GOLGA3: variants seen among roughly 807,000 people sequenced by gnomAD.
GOLGA3 encodes the protein golgin subfamily A member 3.
A neutral mutation model predicts 169.4 loss-of-function variants in GOLGA3; 75 were observed. The ratio of observed to expected loss-of-function variants is 0.44; its 90% CI spans 0.37 to 0.54. The LOEUF (loss-of-function observed/expected upper bound fraction) is 0.54. GOLGA3 is among the 20% of genes least tolerant of loss of function. The pLI is 0.00. For synonymous variants in GOLGA3, 824 were observed against 822.4 expected (o/e 1.00, Z -0.03); for missense variants, 1,899 against 1,930.0 (o/e 0.98, Z 0.30).
At chr12:132,786,309 C>T (rs1239560323) in intron 15 of GOLGA3, 30 bp downstream of exon 15, 2 of 1,483,670 alleles carry the variant, frequency 1.3e-6, no homozygotes, top group Admixed American at 1.9e-5. Flanking sequence ...GGCTGGTGAC[C>T]CTGGCCGGGG....
chr12:132,826,206 C>T, intron 1 of GOLGA3: 5 of 1,515,088 alleles, frequency 3.3e-6, no homozygotes, highest in Non-Finnish European at 4.5e-6. Context: ...TCAGCCCGCT[C>T]CCCACAATGA....
rs917798975 is a variant in GOLGA3 at position 132,820,001 on chromosome 12, A to C, written c.133+1995T>G. Reference sequence around the variant, plus strand: ...TCAAAACCAGCCTGATCAACATGGAAACTCCATCTCTACTAAAAATACAAA... The same window carrying C: ...TCAAAACCAGCCTGATCAACATGGACACTCCATCTCTACTAAAAATACAAA... On this transcript the variant is annotated intron_variant, in intron 2 of 23. Coordinates refer to ENST00000450791, the MANE Select transcript of GOLGA3 (RefSeq NM_001389683.1). Among the ~76,000 whole-genome samples, 3 of 152,214 alleles carry C rather than the reference A, an allele frequency of 2.0e-5. No homozygotes were observed. In the South Asian group the frequency reaches 6.2e-4, roughly 32 times the overall value.
At position 132,776,576 on chromosome 12, in the gene GOLGA3, C is replaced by T. The variant is rs12316926; in HGVS notation, c.3978+58G>A. 5.8e-5 allele frequency: 30 copies of T among 518,112 alleles called. No individual in the cohort carries two copies. The Admixed American group carries it at 6.9e-4, about 12-fold the overall frequency. The allele number at this position is 518,112 out of a possible 1,614,324, so 32.1% of individuals were successfully genotyped here. ...GTACCCGCAGCAGCTGCTGTAGCCC[C>T]TCCAGCTCCTTCCTCCCTGCTGCTC... is the stretch of plus-strand genomic sequence containing the variant. On this transcript the variant is annotated intron_variant, in intron 21 of 23. Transcript: ENST00000450791.
rs185975810 is a variant in GOLGA3 at position 132,813,968 on chromosome 12, C to T, written c.407-549G>A. Among the ~76,000 whole-genome samples the T allele has an allele frequency of 4.1e-3, 625 of 151,754 alleles. 6 individuals are homozygous for T. Among genetic ancestry groups the T allele is most frequent in the African/African-American group, 0.014 (595 of 41,376 alleles). ...CTCGATCTCCTGACCTCATGATCCA[C>T]CCGCCTCGGCCTCCCAAAGTGCTGG... On this transcript the variant is annotated intron_variant, in intron 3 of 23. Transcript: ENST00000450791.
In GOLGA3 at chr12:132,822,062, G is replaced by T. The variant is rs202228458; in HGVS notation, c.67C>A (p.Leu23Ile). 49 of 1,606,078 alleles carry T rather than the reference G, an allele frequency of 3.1e-5. No individual in the cohort carries two copies. The highest frequency in any genetic ancestry group is 4.0e-5 in the Non-Finnish European group (47 of 1,177,160). The change falls in exon 2 of 24, where the codon CTC becomes ATC. Residue 23 changes from leucine (L) to isoleucine (I), a missense_variant. Physicochemically the swap from Leu to Ile is conservative, Grantham distance 5 (BLOSUM62 2). Transcript: ENST00000450791. ...EDRSHSGPSS[L>I]PEAPLKPPGP... is the part of the protein sequence containing the mutation. ...GGGGGCTTCAGTGGGGCCTCGGGGA[G>T]AGACGAGGGGCCACTGTGGGATCTG...
chr12:132,777,549 C>T lies in GOLGA3; in HGVS notation c.3722+117G>A. The T allele has an allele frequency of 8.8e-7, 1 of 1,139,054 alleles. No individual in the cohort carries two copies. The highest frequency in any genetic ancestry group is 1.3e-6 in the Non-Finnish European group (1 of 793,082). The allele number at this position is 1,139,054 out of a possible 1,614,324, so 70.6% of individuals were successfully genotyped here. ...GTGCCTTCTACTCCTATGATTCACT[C>T]AAGTACTCGGCAATTTGCAAAATAT... On this transcript the variant is annotated intron_variant, in intron 19 of 23. Transcript: ENST00000450791. The surrounding 1 kb of genome is among the most constrained non-coding windows in gnomAD (Gnocchi z 4.7).
At chr12:132,782,943 G>C (rs1448284633) in intron 16 of GOLGA3, among the ~76,000 whole-genome samples, 1 of 151,730 alleles carries the variant, frequency 6.6e-6, no homozygotes, top group Non-Finnish European at 1.5e-5. Context: ...CAATGGGCTG[G>C]ACGCAGTGAC....
chr12:132,812,251 C>A (rs1949758210), intron 4 of GOLGA3, among the ~76,000 whole-genome samples: 1 of 150,952 alleles, frequency 6.6e-6, no homozygotes, highest in East Asian at 1.9e-4. Context: ...TGCTCATTGA[C>A]AATACGCCAG....
intron 1 of GOLGA3, among the ~76,000 whole-genome samples, chr12:132,823,944 A>G (rs1033019199): frequency 4.0e-5 from 6 of 151,298 alleles, no homozygotes; most frequent in Admixed American, 1.3e-4. Context: ...TTAGCCAGGC[A>G]TGGCAGCGCG....
At chr12:132,819,045 G>C (rs960185910) in intron 2 of GOLGA3, among the ~76,000 whole-genome samples, 1 of 144,522 alleles carries the variant, frequency 6.9e-6, no homozygotes, top group Non-Finnish European at 1.5e-5. Flanking sequence ...CTGCTGACTG[G>C]TGGGTGGGCC....
At chr12:132,795,750 G>T (rs1415376919) in intron 11 of GOLGA3, 102 bp downstream of exon 11, 12 of 1,283,270 alleles carry the variant, frequency 9.4e-6, no homozygotes, top group Non-Finnish European at 1.3e-5. Flanking sequence ...AACACAGCGA[G>T]ACTGTTTCAA....
chr12:132,806,956 C>A (rs533167592), intron 6 of GOLGA3, among the ~76,000 whole-genome samples: 1 of 151,984 alleles, frequency 6.6e-6, no homozygotes, highest in African/African-American at 2.4e-5. Flanking sequence ...CTGGTAGAGA[C>A]GCAGGGAGAA....
In GOLGA3 at chr12:132,789,239, T is replaced by A; in HGVS notation, c.2599A>T (p.Ser867Cys). Residue 867 changes from serine (S) to cysteine (C), a missense_variant, in exon 13 of 24, where the codon AGT becomes TGT. Coordinates refer to ENST00000450791, the MANE Select transcript of GOLGA3 (RefSeq NM_001389683.1). ...RDATSKDQLI[S>C]ELKATRKRLD... ...CTCTTCCTGGTGGCTTTCAGCTCAC[T>A]GATGAGCTGGTCTTTGGAGGTGGCG... The A allele has an allele frequency of 6.2e-7, 1 of 1,608,450 alleles. No homozygotes were observed. Among genetic ancestry groups the A allele is most frequent in the Non-Finnish European group, 8.5e-7 (1 of 1,179,786 alleles).
In GOLGA3 at chr12:132,780,824, C is replaced by T. The variant is rs768069828; in HGVS notation, c.3556G>A (p.Glu1186Lys). ...ALQASLEKEK[E>K]KVNSLKEQVA... The stretch of plus-strand genomic sequence containing the variant: ...TGCTCCTTGAGGCTGTTCACCTTCT[C>T]CTTCTCCTTCTCTAGTGAGGCCTGC... Residue 1186 changes from glutamate to lysine, a missense_variant, in exon 18 of 24, where the codon GAG (glutamate) becomes AAG (lysine). Glu to Lys is a moderately conservative substitution (Grantham distance 56). Coordinates refer to ENST00000450791, the MANE Select transcript of GOLGA3 (RefSeq NM_001389683.1). 4 of 1,611,212 alleles carry T rather than the reference C, an allele frequency of 2.5e-6. No individual in the cohort carries two copies. The highest frequency in any genetic ancestry group is 3.4e-6 in the Non-Finnish European group (4 of 1,179,240).
chr12:132,806,840 G>A (rs143603843), intron 6 of GOLGA3, among the ~76,000 whole-genome samples: 1 of 152,180 alleles, frequency 6.6e-6, no homozygotes, highest in East Asian at 1.9e-4. Context: ...AGAAAAAGCA[G>A]AAATCACTAC....
Position 132,770,625 on chromosome 12 carries a change from G to C in GOLGA3, c.*2480C>G, listed in dbSNP as rs1189570817. 6.6e-6 allele frequency: 1 copy of C among 152,164 alleles called. No individual in the cohort carries two copies. The highest frequency in any genetic ancestry group is 1.5e-5 in the Non-Finnish European group (1 of 68,018). 9.4% of individuals were successfully genotyped at this position (152,164 alleles called of 1,614,324 possible). ...CTGAATGTGTGATTTCTCGATTTTA[G>C]ATTTTTTAAAATCATTTATTTATTT... On this transcript the variant is annotated 3_prime_UTR_variant, in exon 24 of 24. Coordinates refer to ENST00000450791, the MANE Select transcript of GOLGA3 (RefSeq NM_001389683.1).
chr12:132,799,377 G>A (rs535020955), intron 8 of GOLGA3, among the ~76,000 whole-genome samples: 102 of 152,342 alleles, frequency 6.7e-4, no homozygotes, highest in African/African-American at 2.2e-3. Flanking sequence ...GTGAGGGCCC[G>A]GCAGTGGCTC....
In GOLGA3 at chr12:132,798,462, G is replaced by A; in HGVS notation, c.1816C>T (p.Gln606Ter). 1 of 1,609,022 alleles carries A rather than the reference G, an allele frequency of 6.2e-7. No individual in the cohort carries two copies. Among genetic ancestry groups the A allele is most frequent in the Non-Finnish European group, 8.5e-7 (1 of 1,178,612 alleles). ...TTCAGGTGCTCCAGGAGACCTGCCT[G>A]GGTCATCTGTCCAACCTTAAAAAAA... is the stretch of plus-strand genomic sequence containing the variant. ...MAHIQVGQMT[Q>*]AGLLEHLKLE... The change falls in exon 9 of 24, where the codon CAG becomes TAG. Residue 606 changes from glutamine (Q) to a stop codon, truncating the protein, a stop_gained. Transcript: ENST00000450791. LOFTEE classifies it high-confidence loss of function.
Position 132,816,680 on chromosome 12 carries a change from A to G in GOLGA3, c.266T>C (p.Val89Ala). 6.2e-7 allele frequency: 1 copy of G among 1,614,148 alleles called. No homozygotes were observed. Among genetic ancestry groups the G allele is most frequent in the Non-Finnish European group, 8.5e-7 (1 of 1,179,996 alleles). ...CACACCTGGAGAGGCATCAGGGCCC[A>G]CTGGGCTTGTGGTGGGATCGAGAGA... ...PSSLDPTTSP[V>A]GPDASPGVAG... Residue 89 changes from valine (V) to alanine (A), a missense_variant, in exon 3 of 24, where the codon GTG becomes GCG. Coordinates refer to ENST00000450791, the MANE Select transcript of GOLGA3 (RefSeq NM_001389683.1).
Sources: gnomAD v4.1 joint callset for allele counts (sites outside exome capture counted in the v4.1 genomes callset) on GRCh38, gnomAD v4.1.1 for gene constraint, Gnocchi (gnomAD v3.1) non-coding constraint, MANE v1.5 for transcripts, NCBI Gene and HGNC (gene_info 2026-07-23, HGNC 2026-07-21) for gene names.